SUPT3H: variants seen among roughly 807,000 people sequenced by gnomAD.
SUPT3H encodes SPT3 homolog, SAGA and STAGA complex component, also known as transcription initiation protein SPT3 homolog.
A neutral mutation model predicts 44.3 loss-of-function variants in SUPT3H; 44 were observed. That is an observed-to-expected ratio of 0.99 (90% CI 0.78 to 1.28). The LOEUF (loss-of-function observed/expected upper bound fraction) is 1.28, where lower values mean the gene tolerates loss of function less well. Among genes scored for constraint, SUPT3H ranks in the 50% most tolerant of loss-of-function variants. The pLI is 0.00. For missense variants in SUPT3H, 380 were observed against 387.1 expected, an observed-to-expected ratio of 0.98 and a Z score of 0.15; for synonymous variants, 124 against 125.6, an observed-to-expected ratio of 0.99 and a Z score of 0.09.
chr6:44,850,124 A>C (rs1581979421), intron 10 of SUPT3H, among the ~76,000 whole-genome samples: 1 of 152,242 alleles, frequency 6.6e-6, no homozygotes, highest in East Asian at 1.9e-4. Flanking sequence ...TGGTAGAATA[A>C]CTTCCAAGAA....
intron 2 of SUPT3H, among the ~76,000 whole-genome samples, chr6:45,346,990 A>G (rs985133026): frequency 6.6e-6 from 1 of 152,200 alleles, no homozygotes; most frequent in African/African-American, 2.4e-5. Flanking sequence ...AAGAAATACT[A>G]TATAAGAAAA....
chr6:45,205,501 G>A (rs1763085761), intron 2 of SUPT3H, among the ~76,000 whole-genome samples: 1 of 152,008 alleles, frequency 6.6e-6, no homozygotes, highest in Non-Finnish European at 1.5e-5. Context: ...AGAAAAGGAA[G>A]CTCAAAAAAG....
intron 2 of SUPT3H, among the ~76,000 whole-genome samples, chr6:45,173,237 T>C (rs942132959): frequency 1.3e-5 from 2 of 152,228 alleles, no homozygotes; most frequent in Admixed American, 6.5e-5. Flanking sequence ...TGAAATATTA[T>C]AAATCTTACA....
rs1767999798 is a variant in SUPT3H at position 44,828,292 on chromosome 6, C to T, written c.*1524G>A. Reference sequence around the variant, plus strand: ...GTTTAATCATAATCATACATTTTAACAAGCATAGATGGAACATCAAAATCC... The same window carrying T: ...GTTTAATCATAATCATACATTTTAATAAGCATAGATGGAACATCAAAATCC... On this transcript the variant is annotated 3_prime_UTR_variant, in exon 11 of 11. Transcript: ENST00000371459. Among the ~76,000 whole-genome samples the T allele has an allele frequency of 6.6e-6, 1 of 152,094 alleles. No individual in the cohort carries two copies. The highest frequency in any genetic ancestry group is 2.1e-4 in the South Asian group (1 of 4,836).
At chr6:45,273,798 T>C (rs967423212) in intron 2 of SUPT3H, among the ~76,000 whole-genome samples, 3 of 152,180 alleles carry the variant, frequency 2.0e-5, no homozygotes, top group Admixed American at 2.0e-4. Flanking sequence ...TGTGTGGACT[T>C]ATATTTTCAT....
In SUPT3H at chr6:44,890,795, C is replaced by G. The variant is rs540022785; in HGVS notation, c.912+41858G>C. Among the ~76,000 whole-genome samples the G allele has an allele frequency of 4.6e-4, 69 of 151,332 alleles. 1 individual carries two copies. The highest frequency in any genetic ancestry group is 1.5e-3 in the African/African-American group (63 of 41,272). The stretch of plus-strand genomic sequence containing the variant: ...TAAAAAAAAAAGAAAATGTGGCACA[C>G]ATGGAATACTATGCAGCCATAAAAC... On this transcript the variant is annotated intron_variant, in intron 10 of 10. Transcript: ENST00000371459.
chr6:44,916,619 A>G (rs756324606), intron 10 of SUPT3H, among the ~76,000 whole-genome samples: 12 of 152,212 alleles, frequency 7.9e-5, no homozygotes, highest in Non-Finnish European at 1.3e-4. Context: ...CTATAAAGAA[A>G]GCCAATTATG....
chr6:45,223,789 A>G (rs1022650005), intron 2 of SUPT3H, among the ~76,000 whole-genome samples: 3 of 151,596 alleles, frequency 2.0e-5, no homozygotes, highest in African/African-American at 7.2e-5. Flanking sequence ...TATTGCAAAT[A>G]TAAGTATAAT....
intron 3 of SUPT3H, among the ~76,000 whole-genome samples, chr6:45,103,115 A>T (rs1453184876): frequency 6.6e-6 from 1 of 152,188 alleles, no homozygotes; most frequent in Non-Finnish European, 1.5e-5. Flanking sequence ...TTTGAAAATA[A>T]CTGTTCTCTA....
chr6:45,135,464 T>G (rs2153586568), intron 2 of SUPT3H, among the ~76,000 whole-genome samples: 1 of 152,302 alleles, frequency 6.6e-6, no homozygotes, highest in South Asian at 2.1e-4. Flanking sequence ...TTACTATATG[T>G]GGTTAAAAGG....
At chr6:44,884,450 TC>T (rs1159716687) in intron 10 of SUPT3H, among the ~76,000 whole-genome samples, 6 of 152,128 alleles carry the variant, frequency 3.9e-5, no homozygotes, top group Admixed American at 6.6e-5. Flanking sequence ...GTGTGGCGAT[TC>T]CTCCAGGATC....
chr6:44,838,589 A>G (rs1041836995), intron 10 of SUPT3H, among the ~76,000 whole-genome samples: 1 of 152,150 alleles, frequency 6.6e-6, no homozygotes, highest in African/African-American at 2.4e-5. Flanking sequence ...CCAAATGCCA[A>G]TCTATAGGCT....
At chr6:45,234,580 C>T (rs1768743492) in intron 2 of SUPT3H, among the ~76,000 whole-genome samples, 1 of 150,224 alleles carries the variant, frequency 6.7e-6, no homozygotes, top group African/African-American at 2.4e-5. Flanking sequence ...TATATATATA[C>T]ACACATGACC....
At chr6:45,006,234 T>C (rs1782699036) in intron 5 of SUPT3H, among the ~76,000 whole-genome samples, 1 of 152,106 alleles carries the variant, frequency 6.6e-6, no homozygotes, top group Non-Finnish European at 1.5e-5. Context: ...CAAGTTTTAT[T>C]TTTGTGGTTG....
chr6:45,065,840 T>A (rs1793197822), intron 3 of SUPT3H, among the ~76,000 whole-genome samples: 1 of 146,164 alleles, frequency 6.8e-6, no homozygotes, highest in Non-Finnish European at 1.5e-5. Flanking sequence ...CCAAAAAGAG[T>A]CCAGGACCAG....
At chr6:45,084,997 T>A (rs972255525) in intron 3 of SUPT3H, among the ~76,000 whole-genome samples, 2 of 152,072 alleles carry the variant, frequency 1.3e-5, no homozygotes, top group African/African-American at 4.8e-5. Flanking sequence ...GGTTTAAAAC[T>A]ACCTGTTGGG....
intron 2 of SUPT3H, among the ~76,000 whole-genome samples, chr6:45,266,402 C>A (rs1336703869): frequency 6.6e-6 from 1 of 151,392 alleles, no homozygotes; most frequent in Non-Finnish European, 1.5e-5. Context: ...CTCAAACAAC[C>A]AAGAAGAAAT....
intron 6 of SUPT3H, among the ~76,000 whole-genome samples, chr6:44,996,209 A>T (rs749772733): frequency 6.6e-6 from 1 of 151,900 alleles, no homozygotes; most frequent in African/African-American, 2.4e-5. Context: ...TTCCACAGTT[A>T]ATGTGTTACC....
At chr6:45,225,132 A>T (rs2153637264) in intron 2 of SUPT3H, among the ~76,000 whole-genome samples, 1 of 151,922 alleles carries the variant, frequency 6.6e-6, no homozygotes, top group South Asian at 2.1e-4. Context: ...TACAAAAATT[A>T]GCCGGGTGTG....
Sources: gnomAD v4.1 joint callset for allele counts (sites outside exome capture counted in the v4.1 genomes callset) on GRCh38, gnomAD v4.1.1 for gene constraint, MANE v1.5 for transcripts, NCBI Gene and HGNC (gene_info 2026-07-23, HGNC 2026-07-21) for gene names.